The following SIPA1L2 variants were observed in gnomAD, a reference collection of about 807,000 sequenced individuals.
SIPA1L2 encodes the protein signal induced proliferation associated 1 like 2.
In SIPA1L2, 56 loss-of-function variants were observed where a neutral mutation model predicts 163.9. The observed-to-expected ratio is 0.34, with a 90% CI of 0.28 to 0.43. The LOEUF (loss-of-function observed/expected upper bound fraction) is 0.43. Among genes scored for constraint, SIPA1L2 ranks in the 20% least tolerant of loss-of-function variants. SIPA1L2 has a pLI of 1.00. For missense variants in SIPA1L2, 1,974 were observed against 2,193.5 expected (o/e 0.90, Z 2.00); for synonymous variants, 877 against 865.7 (o/e 1.01, Z -0.23).
chr1:232,606,103 A>G (rs1431947561), intron 1 of SIPA1L2, among the ~76,000 whole-genome samples: 1 of 152,238 alleles, frequency 6.6e-6, no homozygotes, highest in East Asian at 1.9e-4. Context: ...CTTTTCATCT[A>G]CTATCATTAC....
At chr1:232,454,124 G>A (rs1482259397) in intron 10 of SIPA1L2, among the ~76,000 whole-genome samples, 2 of 152,096 alleles carry the variant, frequency 1.3e-5, no homozygotes, top group Non-Finnish European at 2.9e-5. Context: ...TACTGTAAAG[G>A]TTAGGGCAGT....
At chr1:232,546,279 T>G (rs1658026914) in intron 2 of SIPA1L2, among the ~76,000 whole-genome samples, 1 of 152,190 alleles carries the variant, frequency 6.6e-6, no homozygotes. Context: ...ATTTTTCTAC[T>G]AGCCTCCATA....
intron 2 of SIPA1L2, among the ~76,000 whole-genome samples, chr1:232,572,762 TATATATA>T: frequency 8.5e-6 from 1 of 117,990 alleles, no homozygotes; most frequent in East Asian, 2.2e-4. Flanking sequence ...TATATATATA[TATATATA>T]TATATATATA....
Position 232,606,307 on chromosome 1 carries a change from G to A in SIPA1L2, c.-319+23562C>T, listed in dbSNP as rs572406201. Reference sequence around the variant, plus strand: ...GAAAGAGGAATGAACTTTTTTTTGAGACCTCATAACTTACAAATTAGCTAA... The same window carrying A: ...GAAAGAGGAATGAACTTTTTTTTGAAACCTCATAACTTACAAATTAGCTAA... On this transcript the variant is annotated intron_variant, in intron 1 of 22. Coordinates refer to ENST00000674635, the MANE Select transcript of SIPA1L2 (RefSeq NM_020808.5). 7.2e-5 allele frequency among the ~76,000 whole-genome samples: 11 copies of A among 152,076 alleles called. No individual in the cohort carries two copies. The East Asian group carries it at 1.5e-3, about 21-fold the overall frequency.
At chr1:232,607,777 C>T (rs949623136) in intron 1 of SIPA1L2, among the ~76,000 whole-genome samples, 1 of 150,928 alleles carries the variant, frequency 6.6e-6, no homozygotes, top group African/African-American at 2.4e-5. Context: ...AAAAAAACGC[C>T]GGGCACAGTA....
intron 2 of SIPA1L2, among the ~76,000 whole-genome samples, chr1:232,540,069 C>T (rs553382480): frequency 2.1e-4 from 32 of 152,018 alleles, no homozygotes; most frequent in African/African-American, 6.3e-4. Context: ...TTTGGGAGGC[C>T]GAGGTGGGTG....
intron 2 of SIPA1L2, among the ~76,000 whole-genome samples, chr1:232,518,952 T>C (rs890495669): frequency 1.4e-4 from 21 of 152,226 alleles, no homozygotes; most frequent in African/African-American, 4.6e-4. Context: ...GTTATAGGAA[T>C]ATATTTTACA....
chr1:232,514,781 C>T lies in SIPA1L2; in HGVS notation c.559G>A (p.Ala187Thr). ...QNAVNPNTGA[A>T]LHREYGSTSS... ...GTACTTCCATACTCCCTGTGCAGGG[C>T]AGCCCCGGTGTTGGGGTTGACTGCA... The change falls in exon 3 of 23, where the codon GCC (alanine) becomes ACC (threonine). Residue 187 changes from alanine (A) to threonine (T), a missense_variant. Around this residue, in one of 3 missense-constraint regions of SIPA1L2, gnomAD observed 607 missense variants for 624.0 expected, o/e 0.97. Coordinates refer to ENST00000674635, the MANE Select transcript of SIPA1L2 (RefSeq NM_020808.5). 6.2e-7 allele frequency: 1 copy of T among 1,614,232 alleles called. No homozygotes were observed. Among genetic ancestry groups the T allele is most frequent in the Non-Finnish European group, 8.5e-7 (1 of 1,180,034 alleles).
At position 232,428,438 on chromosome 1, in the gene SIPA1L2, G is replaced by A. The variant is rs769608837; in HGVS notation, c.4383C>T (p.Ser1461=). Residue 1461 remains serine, a synonymous_variant, in exon 17 of 23, where the codon AGC becomes AGT. Coordinates refer to ENST00000674635, the MANE Select transcript of SIPA1L2 (RefSeq NM_020808.5). Reference sequence around the variant, plus strand: ...TTCTTCGCCCCTCCTCCACTAAGGGGCTGTCAGGAAGCATCAATTTCAGAA... The same window carrying A: ...TTCTTCGCCCCTCCTCCACTAAGGGACTGTCAGGAAGCATCAATTTCAGAA... ...EDFLKLMLPD[S]PLVEEGRRKF... 2 of 1,578,456 alleles carry A rather than the reference G, an allele frequency of 1.3e-6. No individual in the cohort carries two copies. Among genetic ancestry groups the A allele is most frequent in the East Asian group, 2.4e-5 (1 of 42,232 alleles).
At chr1:232,485,904 T>C (rs911157887) in intron 5 of SIPA1L2, among the ~76,000 whole-genome samples, 4 of 152,138 alleles carry the variant, frequency 2.6e-5, no homozygotes, top group Admixed American at 6.5e-5. Flanking sequence ...CTGCACCCAG[T>C]AGAATTGCTG....
chr1:232,500,682 C>A (rs1158086175), intron 3 of SIPA1L2, among the ~76,000 whole-genome samples: 2 of 152,160 alleles, frequency 1.3e-5, no homozygotes, highest in Admixed American at 6.5e-5. Flanking sequence ...AAAGTGGTTT[C>A]TTTTGATGGA....
intron 3 of SIPA1L2, among the ~76,000 whole-genome samples, chr1:232,503,969 T>C (rs1369686068): frequency 3.3e-5 from 5 of 152,072 alleles, no homozygotes; most frequent in Non-Finnish European, 7.4e-5. Flanking sequence ...AGGAGAAGGA[T>C]TGCTTGAGGC....
intron 1 of SIPA1L2, among the ~76,000 whole-genome samples, chr1:232,599,285 T>C (rs567669035): frequency 7.2e-5 from 11 of 152,130 alleles, no homozygotes; most frequent in Non-Finnish European, 1.5e-4. Context: ...CCTAGGCCAA[T>C]AACAGCTTAA....
rs1199142806 is a variant in SIPA1L2, at chr1:232,461,174, G to A, written c.2821-13C>T. On this transcript the variant is annotated splice_polypyrimidine_tract_variant and intron_variant, in intron 9 of 22. Transcript: ENST00000674635. Reference sequence around the variant, plus strand: ...CTCTCGTCACTATCTAAGGGGGAAGGAGACTGTTAGAGATGCCCTTCCTGC... The same window carrying A: ...CTCTCGTCACTATCTAAGGGGGAAGAAGACTGTTAGAGATGCCCTTCCTGC... 5.0e-6 allele frequency: 8 copies of A among 1,608,562 alleles called. No individual in the cohort carries two copies. The highest frequency in any genetic ancestry group is 6.8e-6 in the Non-Finnish European group (8 of 1,176,452).
At chr1:232,405,696 G>C in intron 19 of SIPA1L2, among the ~76,000 whole-genome samples, 1 of 152,132 alleles carries the variant, frequency 6.6e-6, no homozygotes, top group South Asian at 2.1e-4. Flanking sequence ...GACCAGAAAA[G>C]GAATGGAAAA....
chr1:232,563,644 A>G (rs1659172468), intron 2 of SIPA1L2, among the ~76,000 whole-genome samples: 1 of 152,222 alleles, frequency 6.6e-6, no homozygotes, highest in South Asian at 2.1e-4. Flanking sequence ...GATGTTGGAA[A>G]TTCAGTTTTA....
Position 232,430,859 on chromosome 1 carries a change from A to G in SIPA1L2, c.4256+1388T>C, listed in dbSNP as rs141265396. On this transcript the variant is annotated intron_variant, in intron 16 of 22. Coordinates refer to ENST00000674635, the MANE Select transcript of SIPA1L2 (RefSeq NM_020808.5). Reference sequence around the variant, plus strand: ...TGGGGACTGCCATTTGCCCTTCCATACCACAGGGGTCCCCAGGTGGGGAGC... The same window carrying G: ...TGGGGACTGCCATTTGCCCTTCCATGCCACAGGGGTCCCCAGGTGGGGAGC... Among the ~76,000 whole-genome samples, 33 of 152,162 alleles carry G rather than the reference A, an allele frequency of 2.2e-4. 1 individual carries two copies. The East Asian group carries it at 6.0e-3, about 28-fold the overall frequency.
intron 2 of SIPA1L2, among the ~76,000 whole-genome samples, chr1:232,541,854 TAAAA>T (rs10585668): frequency 4.4e-5 from 6 of 135,658 alleles, no homozygotes; most frequent in African/African-American, 5.7e-5. Context: ...CCTACAGATT[TAAAA>T]AAAAAAAAAA....
intron 1 of SIPA1L2, among the ~76,000 whole-genome samples, chr1:232,587,904 T>G (rs1055384656): frequency 2.6e-5 from 4 of 152,158 alleles, no homozygotes; most frequent in African/African-American, 9.7e-5. Context: ...ACTCTTCTCT[T>G]ATCTGCCGCC....
Sources: allele counts gnomAD v4.1 joint callset (sites outside exome capture counted in the v4.1 genomes callset), GRCh38; gene constraint gnomAD v4.1.1; regional missense constraint gnomAD v4.1.1; transcripts MANE v1.5; gene names NCBI Gene and HGNC (gene_info 2026-07-23, HGNC 2026-07-21).